FOXP1: variants seen among roughly 807,000 people sequenced by gnomAD.
FOXP1 encodes the protein forkhead box protein P1.
FOXP1 carries 15 observed loss-of-function variants against 98.2 expected under a neutral mutation model. That is an observed-to-expected ratio of 0.15 (90% confidence interval 0.10 to 0.24). The LOEUF is 0.24. Among genes scored for constraint, FOXP1 ranks in the 10% least tolerant of loss-of-function variants. The pLI, the probability that FOXP1 is intolerant of heterozygous loss-of-function variation, is 1.00. For missense variants in FOXP1, 633 were observed against 848.5 expected (o/e 0.75, Z 3.15); for synonymous variants, 371 against 314.5 (o/e 1.18, Z -1.90).
chr3:71,572,926 G>GT (rs1214938961), intron 2 of FOXP1: 4 of 151,826 alleles, frequency 2.6e-5, no homozygotes, highest in African/African-American at 9.7e-5. Context: ...TCTTAAAAAG[G>GT]TAAGTTGAGT....
At chr3:71,411,662 G>A (rs1447624434) in intron 3 of FOXP1, among the ~76,000 whole-genome samples, 1 of 152,190 alleles carries the variant, frequency 6.6e-6, no homozygotes, top group Non-Finnish European at 1.5e-5. Context: ...CCTGATGCTG[G>A]CAGGTGGCAG....
At chr3:71,393,887 A>G (rs905359511) in intron 3 of FOXP1, among the ~76,000 whole-genome samples, 10 of 152,094 alleles carry the variant, frequency 6.6e-5, no homozygotes, top group African/African-American at 2.4e-4. Context: ...TAGAGATGGG[A>G]TCTCACTGTG....
At chr3:71,253,265 C>T (rs550857914) in intron 5 of FOXP1, among the ~76,000 whole-genome samples, 1 of 152,290 alleles carries the variant, frequency 6.6e-6, no homozygotes, top group African/African-American at 2.4e-5. Context: ...GTGTGGACAG[C>T]TGGGCATGTA....
chr3:71,127,981 A>G (rs1050223398), intron 6 of FOXP1, among the ~76,000 whole-genome samples: 4 of 152,210 alleles, frequency 2.6e-5, no homozygotes, highest in Admixed American at 6.5e-5. Context: ...TGAAAGTTGC[A>G]CTGTATCTGA....
intron 1 of FOXP1, chr3:71,581,964 G>A (rs937842043): frequency 2.1e-6 from 2 of 970,030 alleles, no homozygotes; most frequent in Non-Finnish European, 2.5e-6. Flanking sequence ...AAAAAGGAGG[G>A]GGGAGGAATA....
intron 3 of FOXP1, among the ~76,000 whole-genome samples, chr3:71,362,973 C>A (rs1221711741): frequency 6.6e-6 from 1 of 151,898 alleles, no homozygotes; most frequent in African/African-American, 2.4e-5. Context: ...TTAATGTCTT[C>A]TTTTATGTCT....
chr3:71,295,197 T>C (rs189569273), intron 5 of FOXP1, among the ~76,000 whole-genome samples: 1 of 152,282 alleles, frequency 6.6e-6, no homozygotes, highest in Admixed American at 6.5e-5. Flanking sequence ...AACGACTGCT[T>C]CCAGTGTCTT....
intron 4 of FOXP1, chr3:71,334,967 CAAA>C (rs1210698798): frequency 6.6e-6 from 1 of 152,048 alleles, no homozygotes; most frequent in African/African-American, 2.4e-5. Context: ...ATACAACTAT[CAAA>C]AAATAATGCA....
chr3:71,425,053 G>C (rs542043395), intron 3 of FOXP1, among the ~76,000 whole-genome samples: 81 of 152,192 alleles, frequency 5.3e-4, no homozygotes, highest in Middle Eastern at 3.4e-3. Context: ...CTACTAACTT[G>C]CAAGTGTCAG....
chr3:71,319,620 C>T lies in FOXP1; in HGVS notation c.-72-19740G>A, dbSNP rs147013130. 5.5e-3 allele frequency among the ~76,000 whole-genome samples: 839 copies of T among 152,252 alleles called. 10 individuals are homozygous for T. Among genetic ancestry groups the T allele is most frequent in the African/African-American group, 0.02 (815 of 41,526 alleles). On this transcript the variant is annotated intron_variant, in intron 4 of 20. Coordinates refer to ENST00000649528, the MANE Select transcript of FOXP1 (RefSeq NM_001349338.3). ...GCTATACTCCCTGTCTCCACTTATT[C>T]ATCTTCTAAACATCCTGCAGCCCAC...
intron 2 of FOXP1, among the ~76,000 whole-genome samples, chr3:71,557,429 C>G (rs1432166500): frequency 2.0e-5 from 3 of 150,930 alleles, no homozygotes; most frequent in Non-Finnish European, 3.0e-5. Context: ...CTATGGCACA[C>G]AGCACAAAAT....
chr3:71,433,933 G>A (rs62246017), intron 3 of FOXP1, among the ~76,000 whole-genome samples: 36,038 of 152,184 alleles, frequency 0.24, 5,137 homozygotes, highest in Non-Finnish European at 0.33. Flanking sequence ...CCAAGCCCAC[G>A]TTACAGCTTC....
Position 71,183,259 on chromosome 3 carries a change from C to T in FOXP1, c.180+14943G>A, listed in dbSNP as rs1383387072. Among the ~76,000 whole-genome samples, 4 of 151,850 alleles carry T rather than the reference C, an allele frequency of 2.6e-5. 1 individual carries two copies. Among genetic ancestry groups the T allele is most frequent in the East Asian group, 3.9e-4 (2 of 5,152 alleles). On this transcript the variant is annotated intron_variant, in intron 6 of 20. Transcript: ENST00000649528. ...CTGTAATCCCAGCACTTTGGGAGGC[C>T]GAGGCGGGTGGATCATTTGAGGTCT... is the stretch of plus-strand genomic sequence containing the variant.
intron 3 of FOXP1, among the ~76,000 whole-genome samples, chr3:71,431,899 A>T (rs2084751963): frequency 2.0e-5 from 3 of 152,092 alleles, no homozygotes; most frequent in Admixed American, 2.0e-4. Flanking sequence ...TGATTTTTTT[A>T]AAAAGACTAA....
At chr3:71,038,862 C>T (rs1296951763) in intron 11 of FOXP1, among the ~76,000 whole-genome samples, 1 of 151,982 alleles carries the variant, frequency 6.6e-6, no homozygotes, top group Admixed American at 6.6e-5. Context: ...ATTGGGGTCC[C>T]TCTATGTTGT....
At chr3:71,130,051 C>T (rs1167725707) in intron 6 of FOXP1, among the ~76,000 whole-genome samples, 1 of 152,178 alleles carries the variant, frequency 6.6e-6, no homozygotes, top group Admixed American at 6.5e-5. Flanking sequence ...CAAATGATGA[C>T]GGTGTCGTGA....
At chr3:71,012,279 G>A (rs1308991371) in intron 12 of FOXP1, among the ~76,000 whole-genome samples, 1 of 152,066 alleles carries the variant, frequency 6.6e-6, no homozygotes, top group Admixed American at 6.6e-5. Context: ...TTTAAAAGTG[G>A]CTCTGCCAAG....
intron 11 of FOXP1, among the ~76,000 whole-genome samples, chr3:71,024,457 G>C (rs759362733): frequency 1.3e-4 from 20 of 152,182 alleles, no homozygotes; most frequent in African/African-American, 2.9e-4. Context: ...CTCCCACAAA[G>C]AGAAGGGTGT....
chr3:71,401,730 G>A lies in FOXP1; in HGVS notation c.-167-42486C>T, dbSNP rs370582646. ...CACTAATTGGTTGATACCTTCCTTCGCTAAATCTTGTTACAACCTGCAACT... is the reference window on the plus strand; with the variant it reads ...CACTAATTGGTTGATACCTTCCTTCACTAAATCTTGTTACAACCTGCAACT... On this transcript the variant is annotated intron_variant, in intron 3 of 20. Transcript: ENST00000649528. 5.3e-5 allele frequency among the ~76,000 whole-genome samples: 8 copies of A among 152,016 alleles called. No individual in the cohort carries two copies. In the East Asian group the frequency reaches 9.6e-4, roughly 18 times the overall value.
Sources: gnomAD v4.1 joint callset for allele counts (sites outside exome capture counted in the v4.1 genomes callset) on GRCh38, gnomAD v4.1.1 for gene constraint, MANE v1.5 for transcripts, NCBI Gene and HGNC (gene_info 2026-07-23, HGNC 2026-07-21) for gene names.